The following ARB2A variants were observed in gnomAD, a reference collection of about 807,000 sequenced individuals.
ARB2A encodes cotranscriptional regulator ARB2A.
chr5:93,853,173 G>A, the ARB2A span, among the ~76,000 whole-genome samples: 70 of 151,984 alleles, frequency 4.6e-4, no homozygotes, highest in Middle Eastern at 3.4e-3. Context: ...GGTCCTTCAC[G>A]TCCCTTGTAA....
the ARB2A span, among the ~76,000 whole-genome samples, chr5:93,802,209 C>A: frequency 6.6e-6 from 1 of 151,846 alleles, no homozygotes; most frequent in Non-Finnish European, 1.5e-5. Context: ...TTTTAAAAGA[C>A]AAATTAGGTA....
the ARB2A span, among the ~76,000 whole-genome samples, chr5:94,035,196 CATACAT>C: frequency 5.4e-3 from 703 of 129,642 alleles, 4 homozygotes; most frequent in African/African-American, 0.015. Flanking sequence ...GGATCTTATA[CATACAT>C]ATACATATAC....
the ARB2A span, among the ~76,000 whole-genome samples, chr5:93,638,798 C>T: frequency 6.6e-6 from 1 of 151,792 alleles, no homozygotes; most frequent in Non-Finnish European, 1.5e-5. Context: ...CATTGCACTC[C>T]AGCCTGGGCA....
At chr5:94,088,343 T>C in the ARB2A span, among the ~76,000 whole-genome samples, 3 of 152,116 alleles carry the variant, frequency 2.0e-5, no homozygotes, top group Non-Finnish European at 4.4e-5. Context: ...AAACTTGACT[T>C]AAAAAATAAT....
chr5:93,617,788 T>C, the ARB2A span, among the ~76,000 whole-genome samples: 2 of 152,142 alleles, frequency 1.3e-5, no homozygotes, highest in Non-Finnish European at 2.9e-5. Flanking sequence ...AACAATTTAA[T>C]TGATAGGTTG....
chr5:94,027,960 C>T, the ARB2A span, among the ~76,000 whole-genome samples: 60 of 152,208 alleles, frequency 3.9e-4, 1 homozygote, highest in African/African-American at 1.4e-3. Context: ...TAGAGGACCC[C>T]CCAGCTGGTG....
the ARB2A span, among the ~76,000 whole-genome samples, chr5:93,951,390 A>G: frequency 6.6e-6 from 1 of 152,302 alleles, no homozygotes; most frequent in Middle Eastern, 3.4e-3. Context: ...GTATTAATCA[A>G]GAAATCTTTT....
the ARB2A span, among the ~76,000 whole-genome samples, chr5:93,895,245 G>A: frequency 6.6e-6 from 1 of 152,132 alleles, no homozygotes; most frequent in East Asian, 1.9e-4. Flanking sequence ...TCAACCTTCA[G>A]GCCATCAGGC....
chr5:93,640,133 C>T, the ARB2A span, among the ~76,000 whole-genome samples: 2 of 149,940 alleles, frequency 1.3e-5, no homozygotes, highest in South Asian at 4.3e-4. Flanking sequence ...TAAACAATTG[C>T]CAGGAGGGGT....
the ARB2A span, among the ~76,000 whole-genome samples, chr5:93,982,765 C>A: frequency 6.6e-6 from 1 of 152,022 alleles, no homozygotes; most frequent in African/African-American, 2.4e-5. Flanking sequence ...CTAAATATAC[C>A]TAAAAAGGGA....
At chr5:93,820,389 A>G in the ARB2A span, among the ~76,000 whole-genome samples, 1 of 152,216 alleles carries the variant, frequency 6.6e-6, no homozygotes, top group South Asian at 2.1e-4. Flanking sequence ...ATGGCCAACA[A>G]TAAAAGTGAT....
the ARB2A span, among the ~76,000 whole-genome samples, chr5:93,779,658 G>T: frequency 6.6e-6 from 1 of 152,200 alleles, no homozygotes; most frequent in Admixed American, 6.5e-5. Flanking sequence ...AGAGAAAGAA[G>T]TCCTTGGCCA....
the ARB2A span, among the ~76,000 whole-genome samples, chr5:93,947,013 CCT>C: frequency 6.6e-6 from 1 of 151,938 alleles, no homozygotes; most frequent in Non-Finnish European, 1.5e-5. Flanking sequence ...TTTCTCATTT[CCT>C]CTGTGCTATA....
chr5:93,857,250 G>A, the ARB2A span, among the ~76,000 whole-genome samples: 2 of 152,164 alleles, frequency 1.3e-5, no homozygotes, highest in Non-Finnish European at 2.9e-5. Flanking sequence ...ACCCACTTGA[G>A]GAGGCAGTCT....
At chr5:94,101,612 A>C in the ARB2A span, among the ~76,000 whole-genome samples, 2 of 152,136 alleles carry the variant, frequency 1.3e-5, no homozygotes, top group African/African-American at 4.8e-5. Context: ...CACAGTCATA[A>C]AAAAATGAGA....
At chr5:94,029,105 C>T in the ARB2A span, among the ~76,000 whole-genome samples, 9 of 152,122 alleles carry the variant, frequency 5.9e-5, no homozygotes, top group African/African-American at 2.2e-4. Flanking sequence ...GATTTTCCCA[C>T]CTCATCATTC....
chr5:93,865,804 A>C, the ARB2A span: 12 of 985,324 alleles, frequency 1.2e-5, no homozygotes, highest in South Asian at 5.6e-4. Flanking sequence ...ACATTTATGG[A>C]GGAGTCACTA....
the ARB2A span, among the ~76,000 whole-genome samples, chr5:93,778,054 A>C: frequency 1.3e-5 from 2 of 152,222 alleles, no homozygotes; most frequent in Admixed American, 1.3e-4. Flanking sequence ...CATAACATCT[A>C]GTAATGTTCT....
chr5:94,041,150 A>G, the ARB2A span, among the ~76,000 whole-genome samples: 1 of 151,392 alleles, frequency 6.6e-6, no homozygotes, highest in Non-Finnish European at 1.5e-5. Flanking sequence ...AAAAATCACT[A>G]GTTATCTCCT....
Sources: allele counts gnomAD v4.1 joint callset (sites outside exome capture counted in the v4.1 genomes callset), GRCh38; gene constraint gnomAD v4.1.1; transcripts MANE v1.5; gene names NCBI Gene and HGNC (gene_info 2026-07-23, HGNC 2026-07-21).